DAB1: variants seen among roughly 807,000 people sequenced by gnomAD.
DAB1 encodes disabled homolog 1.
DAB1 carries 15 observed loss-of-function variants against 64.6 expected under a neutral mutation model. The ratio of observed to expected loss-of-function variants is 0.23; its 90% CI spans 0.16 to 0.36. DAB1 has a LOEUF of 0.36. DAB1 is among the 10% of genes least tolerant of loss of function. The pLI, the probability that DAB1 is intolerant of heterozygous loss-of-function variation, is 1.00. For synonymous variants in DAB1, 235 were observed against 251.9 expected, an observed-to-expected ratio of 0.93 and a Z score of 0.64; for missense variants, 596 against 706.7, an observed-to-expected ratio of 0.84 and a Z score of 1.78.
chr1:58,042,504 C>T (rs961368980), intron 5 of DAB1, among the ~76,000 whole-genome samples: 1 of 152,140 alleles, frequency 6.6e-6, no homozygotes, highest in African/African-American at 2.4e-5. Flanking sequence ...AGGTTGTACA[C>T]ACCCAAAACT....
At chr1:58,056,264 A>G (rs756726371) in intron 5 of DAB1, 11 of 1,331,254 alleles carry the variant, frequency 8.3e-6, no homozygotes, top group Non-Finnish European at 1.2e-5. Flanking sequence ...CTCACACAGT[A>G]ATGTAGCTTC....
intron 2 of DAB1, among the ~76,000 whole-genome samples, chr1:57,146,202 C>T (rs1040094334): frequency 6.6e-6 from 1 of 152,240 alleles, no homozygotes; most frequent in Non-Finnish European, 1.5e-5. Flanking sequence ...CTCTTCACAA[C>T]AAGCAAACCA....
At chr1:57,963,739 C>T (rs1645583781) in intron 5 of DAB1, among the ~76,000 whole-genome samples, 1 of 148,126 alleles carries the variant, frequency 6.8e-6, no homozygotes, top group Non-Finnish European at 1.5e-5. Flanking sequence ...GGTGCTGTAA[C>T]TCTACATCAG....
intron 1 of DAB1, among the ~76,000 whole-genome samples, chr1:57,365,295 T>C (rs1393599483): frequency 2.8e-5 from 4 of 141,752 alleles, no homozygotes; most frequent in Non-Finnish European, 4.6e-5. Flanking sequence ...ATATATTATA[T>C]AAAGAATACA....
At chr1:57,203,367 G>T (rs1015284438) in intron 2 of DAB1, among the ~76,000 whole-genome samples, 1 of 152,116 alleles carries the variant, frequency 6.6e-6, no homozygotes, top group Non-Finnish European at 1.5e-5. Context: ...AAGCTCCTTG[G>T]GGACAAGGAA....
At chr1:57,459,940 C>G (rs374626613) in intron 7 of DAB1, among the ~76,000 whole-genome samples, 1 of 152,160 alleles carries the variant, frequency 6.6e-6, no homozygotes, top group Admixed American at 6.5e-5. Context: ...GCTTAATATT[C>G]CTGGCCCTCA....
In DAB1 at chr1:57,444,157, T is replaced by C. The variant is rs139465659; in HGVS notation, n.626-152991A>G. Among the ~76,000 whole-genome samples, 186 of 152,252 alleles carry C rather than the reference T, an allele frequency of 1.2e-3. 2 individuals carry two copies. Among genetic ancestry groups the C allele is most frequent in the African/African-American group, 4.3e-3 (179 of 41,538 alleles). Reference sequence around the variant, plus strand: ...GGAATAGTCTCCCCCATCCCTCCAATGGCTTCTCCCCAGGCACCTACTCTT... The same window carrying C: ...GGAATAGTCTCCCCCATCCCTCCAACGGCTTCTCCCCAGGCACCTACTCTT... On this transcript the variant is annotated intron_variant and non_coding_transcript_variant, in intron 7 of 20. Coordinates refer to the DAB1 transcript ENST00000485760.
chr1:57,298,122 T>A (rs569498552), intron 1 of DAB1, among the ~76,000 whole-genome samples: 2 of 152,188 alleles, frequency 1.3e-5, no homozygotes, highest in African/African-American at 2.4e-5. Flanking sequence ...TCAATCTTTT[T>A]TTTTTATTTT....
chr1:58,240,863 C>A (rs1488299582), intron 4 of DAB1, among the ~76,000 whole-genome samples: 1 of 152,084 alleles, frequency 6.6e-6, no homozygotes, highest in African/African-American at 2.4e-5. Flanking sequence ...AGAAGAGGAC[C>A]TCTTTTCTTT....
intron 5 of DAB1, among the ~76,000 whole-genome samples, chr1:58,077,418 C>G (rs1649724584): frequency 6.6e-6 from 1 of 152,030 alleles, no homozygotes; most frequent in Non-Finnish European, 1.5e-5. Context: ...TTCATCACTC[C>G]CTAGATGAGG....
chr1:57,345,796 G>A (rs1158462771), intron 1 of DAB1, among the ~76,000 whole-genome samples: 1 of 152,124 alleles, frequency 6.6e-6, no homozygotes, highest in Non-Finnish European at 1.5e-5. Context: ...ATTACTGCCG[G>A]TGCCTATGCA....
intron 7 of DAB1, among the ~76,000 whole-genome samples, chr1:57,458,915 T>C (rs1032967859): frequency 6.6e-6 from 1 of 152,114 alleles, no homozygotes; most frequent in Non-Finnish European, 1.5e-5. Flanking sequence ...GAGTGGAATT[T>C]GAATGATTTT....
intron 2 of DAB1, among the ~76,000 whole-genome samples, chr1:57,190,004 C>T (rs1027943282): frequency 6.6e-6 from 1 of 152,094 alleles, no homozygotes; most frequent in Non-Finnish European, 1.5e-5. Context: ...GTGTTCAAAT[C>T]AATGTTTGTC....
intron 3 of DAB1, among the ~76,000 whole-genome samples, chr1:57,137,918 T>A (rs1658270111): frequency 6.6e-6 from 1 of 152,140 alleles, no homozygotes; most frequent in African/African-American, 2.4e-5. Context: ...AATATCTAAG[T>A]TATACTCCTG....
At chr1:57,058,494 C>T (rs1015209346) in intron 9 of DAB1, among the ~76,000 whole-genome samples, 2 of 152,200 alleles carry the variant, frequency 1.3e-5, no homozygotes. Flanking sequence ...TCGATGCTTA[C>T]TGTAATGAGG....
chr1:57,042,097 C>T (rs1647863358), intron 9 of DAB1, among the ~76,000 whole-genome samples: 1 of 152,128 alleles, frequency 6.6e-6, no homozygotes, highest in Admixed American at 6.5e-5. Flanking sequence ...GAAACCCTTG[C>T]TTGCTCATAG....
At chr1:58,158,286 G>A (rs768793537) in intron 4 of DAB1, among the ~76,000 whole-genome samples, 12 of 152,186 alleles carry the variant, frequency 7.9e-5, no homozygotes, top group Non-Finnish European at 1.6e-4. Context: ...TAATGGATTA[G>A]TTCAGAGCCC....
chr1:57,667,054 T>G (rs1161439610), intron 6 of DAB1, among the ~76,000 whole-genome samples: 1 of 152,150 alleles, frequency 6.6e-6, no homozygotes, highest in East Asian at 1.9e-4. Flanking sequence ...CTTGCTCCCT[T>G]ACTGTTCCTA....
At chr1:57,052,138 G>A (rs1481067240) in intron 9 of DAB1, among the ~76,000 whole-genome samples, 2 of 139,738 alleles carry the variant, frequency 1.4e-5, no homozygotes, top group Non-Finnish European at 3.1e-5. Context: ...ATTACTGGGG[G>A]CGGGGGGGCG....
Sources: allele counts gnomAD v4.1 joint callset (sites outside exome capture counted in the v4.1 genomes callset), GRCh38; gene constraint gnomAD v4.1.1; transcripts MANE v1.5; gene names NCBI Gene and HGNC (gene_info 2026-07-23, HGNC 2026-07-21).